EXOC6B: variants seen among roughly 807,000 people sequenced by gnomAD.
The protein encoded by EXOC6B is exocyst complex component 6B.
A neutral mutation model predicts 113.5 loss-of-function variants in EXOC6B; 54 were observed. The ratio of observed to expected loss-of-function variants is 0.48; its 90% confidence interval spans 0.38 to 0.60. The LOEUF is 0.60. Ranked by LOEUF, EXOC6B falls within the 20% of genes least tolerant of loss-of-function variation. The probability of loss-of-function intolerance (pLI) is 0.00; values close to 1 mark genes in which losing one functional copy is unlikely to be tolerated. For synonymous variants in EXOC6B, 357 were observed against 339.0 expected (o/e 1.05, Z -0.58); for missense variants, 797 against 977.5 (o/e 0.82, Z 2.46).
chr2:72,218,133 C>T (rs1465692430), intron 20 of EXOC6B, among the ~76,000 whole-genome samples: 1 of 152,128 alleles, frequency 6.6e-6, no homozygotes, highest in Non-Finnish European at 1.5e-5. Flanking sequence ...AGTCAATGCC[C>T]AGTCAGAGGA....
At chr2:72,785,550 A>C (rs1325381350) in intron 1 of EXOC6B, among the ~76,000 whole-genome samples, 2 of 152,240 alleles carry the variant, frequency 1.3e-5, no homozygotes, top group Non-Finnish European at 2.9e-5. Context: ...CTGTGAACCC[A>C]CATGCTCAAC....
intron 20 of EXOC6B, among the ~76,000 whole-genome samples, chr2:72,255,719 A>G (rs753758750): frequency 6.6e-6 from 1 of 152,218 alleles, no homozygotes; most frequent in South Asian, 2.1e-4. Context: ...AGGGCCACCC[A>G]TATCTAACGT....
chr2:72,443,880 C>G (rs1175454933), intron 18 of EXOC6B, among the ~76,000 whole-genome samples: 1 of 152,108 alleles, frequency 6.6e-6, no homozygotes, highest in African/African-American at 2.4e-5. Context: ...GGGGACACAG[C>G]CAAACCATAT....
intron 20 of EXOC6B, among the ~76,000 whole-genome samples, chr2:72,188,477 C>A (rs915339659): frequency 3.3e-5 from 5 of 152,162 alleles, no homozygotes. Flanking sequence ...GTCATATGGC[C>A]TTCTCTGAGA....
chr2:72,779,510 T>C (rs1053281047), intron 1 of EXOC6B, among the ~76,000 whole-genome samples: 3 of 152,110 alleles, frequency 2.0e-5, no homozygotes, highest in Non-Finnish European at 4.4e-5. Flanking sequence ...AGTTTATGAA[T>C]AGTTTTGCTC....
chr2:72,670,026 T>C (rs889109649), intron 6 of EXOC6B, among the ~76,000 whole-genome samples: 1 of 152,210 alleles, frequency 6.6e-6, no homozygotes, highest in African/African-American at 2.4e-5. Flanking sequence ...TTGTATTTTG[T>C]AGTTTTTTCA....
intron 8 of EXOC6B, among the ~76,000 whole-genome samples, chr2:72,553,560 T>A (rs1703361600): frequency 6.6e-6 from 1 of 151,838 alleles, no homozygotes; most frequent in African/African-American, 2.4e-5. Context: ...TTATAAAATA[T>A]AACAAAAAAT....
At chr2:72,741,639 C>T (rs1312302371) in intron 1 of EXOC6B, among the ~76,000 whole-genome samples, 170 bp from the exon 2 acceptor site, 1 of 152,082 alleles carries the variant, frequency 6.6e-6, no homozygotes, top group African/African-American at 2.4e-5. Flanking sequence ...GAAACTTTTG[C>T]TTTCTTATTC....
intron 18 of EXOC6B, among the ~76,000 whole-genome samples, chr2:72,394,444 A>G (rs559200868): frequency 1.3e-5 from 2 of 152,282 alleles, no homozygotes; most frequent in East Asian, 3.9e-4. Context: ...GGTGACCCTC[A>G]TTACATCCCA....
chr2:72,279,005 T>A (rs910562586), intron 20 of EXOC6B, among the ~76,000 whole-genome samples: 4 of 152,132 alleles, frequency 2.6e-5, no homozygotes, highest in Non-Finnish European at 5.9e-5. Context: ...AGCCTCAGGA[T>A]ATATTAAATT....
At chr2:72,668,877 T>G (rs1675580494) in intron 6 of EXOC6B, among the ~76,000 whole-genome samples, 1 of 152,138 alleles carries the variant, frequency 6.6e-6, no homozygotes, top group African/African-American at 2.4e-5. Flanking sequence ...TGACGCAATA[T>G]ACGTTTGTAA....
chr2:72,184,105 T>C lies in EXOC6B; in HGVS notation c.2279A>G (p.Asn760Ser), dbSNP rs759082887. The change falls in exon 21 of 22, where the codon AAC becomes AGC. Residue 760 changes from asparagine to serine, a missense_variant. Transcript: ENST00000272427. ...AAGCAGGGTCAGAGCAGTCACTGGG[T>C]TTACCCGGAGGTACTTGCAGTTGGG... Reference protein sequence around the residue: ...GQPNCKYLRVNPVTALTLLEK... With the variant: ...GQPNCKYLRVSPVTALTLLEK... 2 of 1,565,012 alleles carry C rather than the reference T, an allele frequency of 1.3e-6. No individual in the cohort carries two copies. The highest frequency in any genetic ancestry group is 1.7e-6 in the Non-Finnish European group (2 of 1,153,868).
intron 1 of EXOC6B, among the ~76,000 whole-genome samples, chr2:72,752,612 C>A (rs1359311445): frequency 1.3e-5 from 2 of 149,830 alleles, no homozygotes; most frequent in South Asian, 4.3e-4. Context: ...CCTGCCTTTT[C>A]TCAGTTAAGA....
intron 18 of EXOC6B, among the ~76,000 whole-genome samples, chr2:72,460,036 C>T (rs979606877): frequency 7.0e-4 from 107 of 152,046 alleles, no homozygotes; most frequent in African/African-American, 2.6e-3. Flanking sequence ...GAACAGAGCC[C>T]TCAGAAATAA....
chr2:72,307,879 C>A (rs1413820882), intron 20 of EXOC6B, among the ~76,000 whole-genome samples: 1 of 152,098 alleles, frequency 6.6e-6, no homozygotes, highest in African/African-American at 2.4e-5. Context: ...ATGGATTCCT[C>A]TAGTACTCCA....
intron 19 of EXOC6B, among the ~76,000 whole-genome samples, chr2:72,337,591 C>T (rs955347038): frequency 1.3e-5 from 2 of 152,066 alleles, no homozygotes; most frequent in Non-Finnish European, 2.9e-5. Flanking sequence ...CTTTATGGAC[C>T]TCATTTTTAT....
intron 6 of EXOC6B, among the ~76,000 whole-genome samples, chr2:72,617,690 T>C (rs1008549762): frequency 6.6e-6 from 1 of 151,782 alleles, no homozygotes; most frequent in Non-Finnish European, 1.5e-5. Context: ...AATTTTTGTA[T>C]TTTTTGTAGA....
rs368468188 is a variant in EXOC6B at position 72,331,436 on chromosome 2, C to T, written c.2196+3511G>A. 2.0e-5 allele frequency among the ~76,000 whole-genome samples: 3 copies of T among 152,110 alleles called. No homozygotes were observed. In the East Asian group the frequency reaches 5.8e-4, roughly 29 times the overall value. On this transcript the variant is annotated intron_variant, in intron 20 of 21. Transcript: ENST00000272427. ...AAGTACTGAGAATCTACTATTGGTC[C>T]TTTATTATAATTCTCAATTATGAAC...
At chr2:72,525,405 C>T (rs986029999) in intron 8 of EXOC6B, among the ~76,000 whole-genome samples, 5 of 152,002 alleles carry the variant, frequency 3.3e-5, no homozygotes, top group African/African-American at 1.2e-4. Flanking sequence ...AACTTAGAAG[C>T]GAAAGGGTAA....
Sources: gnomAD v4.1 joint callset for allele counts (sites outside exome capture counted in the v4.1 genomes callset) on GRCh38, gnomAD v4.1.1 for gene constraint, MANE v1.5 for transcripts, NCBI Gene and HGNC (gene_info 2026-07-23, HGNC 2026-07-21) for gene names.